Variants in PEPD observed in about 807,000 individuals in gnomAD.
The protein encoded by PEPD is xaa-Pro dipeptidase.
Under a neutral mutation model 60.7 loss-of-function variants are expected in PEPD, and 53 were observed. The ratio of observed to expected loss-of-function variants is 0.87; its 90% CI spans 0.70 to 1.10. PEPD has a LOEUF of 1.10. PEPD is among the 50% of genes least tolerant of loss of function. The pLI, the probability that PEPD is intolerant of heterozygous loss-of-function variation, is 0.00. For synonymous variants in PEPD, 267 were observed against 284.1 expected, an observed-to-expected ratio of 0.94 and a Z score of 0.60; for missense variants, 711 against 711.9, an observed-to-expected ratio of 1.00 and a Z score of 0.01.
At position 33,387,025 on chromosome 19, in the gene PEPD, C is replaced by G; in HGVS notation, c.*319G>C. 1 of 382,870 alleles carries G rather than the reference C, an allele frequency of 2.6e-6. No homozygotes were observed. The highest frequency in any genetic ancestry group is 4.8e-6 in the Non-Finnish European group (1 of 209,976). The allele number at this position is 382,870 out of a possible 1,614,324, so 23.7% of individuals were successfully genotyped here. On this transcript the variant is annotated 3_prime_UTR_variant, in exon 15 of 15. Transcript: ENST00000244137. ...TTGACAGAAAGTATCAGAAATGCTTCTTTCCTGGGAAAAGGAATATAAATG... is the reference window on the plus strand; with the variant it reads ...TTGACAGAAAGTATCAGAAATGCTTGTTTCCTGGGAAAAGGAATATAAATG...
chr19:33,480,789 G>A (rs973923977), intron 6 of PEPD, among the ~76,000 whole-genome samples: 6 of 149,332 alleles, frequency 4.0e-5, no homozygotes, highest in Admixed American at 1.3e-4. Flanking sequence ...GCAAGACTCC[G>A]TTTCAAAAAA....
intron 3 of PEPD, among the ~76,000 whole-genome samples, chr19:33,507,099 C>T (rs1380173311): frequency 1.3e-5 from 2 of 152,128 alleles, no homozygotes; most frequent in African/African-American, 2.4e-5. Flanking sequence ...CCACCATACC[C>T]GCATCCATCT....
At chr19:33,417,468 C>G (rs1968914462) in intron 9 of PEPD, among the ~76,000 whole-genome samples, 1 of 152,320 alleles carries the variant, frequency 6.6e-6, no homozygotes, top group South Asian at 2.1e-4. Flanking sequence ...ACATACCCAG[C>G]CTTCTGGGAC....
intron 9 of PEPD, among the ~76,000 whole-genome samples, chr19:33,422,818 ATATC>A (rs201899160): frequency 0.038 from 4,932 of 131,188 alleles, 222 homozygotes; most frequent in African/African-American, 0.099. Flanking sequence ...CCATCCTTCT[ATATC>A]TATCTATCTA....
At chr19:33,397,068 C>A (rs1287725223) in intron 12 of PEPD, among the ~76,000 whole-genome samples, 2 of 152,184 alleles carry the variant, frequency 1.3e-5, no homozygotes, top group Non-Finnish European at 2.9e-5. Context: ...ACCTCCCGTG[C>A]ATGGCACTCC....
intron 4 of PEPD, among the ~76,000 whole-genome samples, chr19:33,497,515 C>A (rs911011379): frequency 6.6e-6 from 1 of 152,260 alleles, no homozygotes; most frequent in Non-Finnish European, 1.5e-5. Flanking sequence ...AACCTCGGAG[C>A]CAGCTGTGCC....
chr19:33,448,415 G>A (rs532881270), intron 9 of PEPD, among the ~76,000 whole-genome samples: 90 of 152,282 alleles, frequency 5.9e-4, no homozygotes, highest in African/African-American at 2.0e-3. Context: ...GGCTCCTTCC[G>A]GCATGGAAGA....
chr19:33,461,269 T>C (rs1374799129), intron 9 of PEPD, among the ~76,000 whole-genome samples: 1 of 152,006 alleles, frequency 6.6e-6, no homozygotes, highest in Non-Finnish European at 1.5e-5. Context: ...GGGTTCATTA[T>C]ACTTTTCTAT....
Position 33,463,003 on chromosome 19 carries a change from C to T in PEPD, c.663G>A (p.Glu221=). 6.3e-7 allele frequency: 1 copy of T among 1,596,420 alleles called. No homozygotes were observed. The highest frequency in any genetic ancestry group is 8.6e-7 in the Non-Finnish European group (1 of 1,163,850). The change falls in exon 9 of 15, where the codon GAG becomes GAA. Residue 221 remains glutamate, a synonymous_variant. Transcript: ENST00000244137. ...KAVKVGMKEY[E]LESLFEHYCY... ...GAAACATGGTGGCTTACCTTTCCAA[C>T]TCATATTCTTTCATTCCCACTTTTA... is the stretch of plus-strand genomic sequence containing the variant.
At chr19:33,438,801 T>C (rs1232236621) in intron 9 of PEPD, among the ~76,000 whole-genome samples, 1 of 152,242 alleles carries the variant, frequency 6.6e-6, no homozygotes. Context: ...CTGCAACCTC[T>C]GCCTCCCGGG....
intron 12 of PEPD, among the ~76,000 whole-genome samples, chr19:33,400,474 C>G (rs1487788731): frequency 6.6e-6 from 1 of 152,244 alleles, no homozygotes; most frequent in African/African-American, 2.4e-5. Flanking sequence ...GATGCAGAAC[C>G]TGCGTGCCTT....
At chr19:33,439,508 G>T (rs528547856) in intron 9 of PEPD, among the ~76,000 whole-genome samples, 6 of 152,360 alleles carry the variant, frequency 3.9e-5, no homozygotes, top group African/African-American at 1.4e-4. Flanking sequence ...CTCTGGTGTG[G>T]GCTGGCTGTG....
rs763642654 is a variant in PEPD, at chr19:33,387,942, C to T, written c.1292G>A (p.Arg431His). The stretch of plus-strand genomic sequence containing the variant: ...GACCTCGCGGTTAAGGAAGGAGGCG[C>T]GGGCCGGGTCCGCCAGGGCCTCATC... The part of the protein sequence containing the change: ...LLDEALADPA[R>H]ASFLNREVLQ... The change falls in exon 14 of 15, where the codon CGC (arginine) becomes CAC (histidine). Residue 431 changes from arginine (R) to histidine (H), a missense_variant. Transcript: ENST00000244137. 42 of 1,597,322 alleles carry T rather than the reference C, an allele frequency of 2.6e-5. No individual in the cohort carries two copies. The highest frequency in any genetic ancestry group is 1.7e-4 in the Admixed American group (10 of 57,694).
intron 11 of PEPD, among the ~76,000 whole-genome samples, chr19:33,402,256 G>A (rs1480308016): frequency 2.0e-5 from 3 of 152,204 alleles, no homozygotes; most frequent in Middle Eastern, 3.2e-3. Flanking sequence ...GACCCCGCCC[G>A]CTGCCTGGCC....
chr19:33,431,370 C>T (rs914523317), intron 9 of PEPD, among the ~76,000 whole-genome samples: 1 of 152,224 alleles, frequency 6.6e-6, no homozygotes, highest in African/African-American at 2.4e-5. Context: ...AGGTCCCCGC[C>T]GGAGGCCAGG....
intron 9 of PEPD, among the ~76,000 whole-genome samples, chr19:33,442,542 T>C (rs12460068): frequency 2.1e-5 from 2 of 97,188 alleles, no homozygotes; most frequent in Non-Finnish European, 2.3e-5. Flanking sequence ...CTACTAAAAA[T>C]AAAATAAAAA....
chr19:33,473,170 G>T (rs557338731), intron 7 of PEPD, among the ~76,000 whole-genome samples: 7 of 152,100 alleles, frequency 4.6e-5, no homozygotes, highest in Middle Eastern at 3.4e-3. Context: ...CTCCTGGCGC[G>T]CAGTGACTCA....
At chr19:33,479,877 G>A (rs1030843726) in intron 6 of PEPD, among the ~76,000 whole-genome samples, 10 of 152,154 alleles carry the variant, frequency 6.6e-5, no homozygotes, top group Non-Finnish European at 1.0e-4. Context: ...GTGCTGCAGC[G>A]AACATACACA....
At chr19:33,482,525 T>C (rs1400511292) in intron 6 of PEPD, among the ~76,000 whole-genome samples, 1 of 152,202 alleles carries the variant, frequency 6.6e-6, no homozygotes, top group Non-Finnish European at 1.5e-5. Flanking sequence ...AGCTTTCCCC[T>C]AAGATGAGGA....
Sources: allele counts gnomAD v4.1 joint callset (sites outside exome capture counted in the v4.1 genomes callset), GRCh38; gene constraint gnomAD v4.1.1; transcripts MANE v1.5; gene names NCBI Gene and HGNC (gene_info 2026-07-23, HGNC 2026-07-21).